The following VPS26C variants were observed in gnomAD, a reference collection of about 807,000 sequenced individuals.
The protein encoded by VPS26C is VPS26 endosomal protein sorting factor C, also known as vacuolar protein sorting-associated protein 26C.
VPS26C carries 19 observed loss-of-function variants against 30.6 expected under a neutral mutation model. The ratio of observed to expected loss-of-function variants is 0.62; its 90% CI spans 0.43 to 0.91. VPS26C has a LOEUF of 0.91. Among genes scored for constraint, VPS26C ranks in the 40% least tolerant of loss-of-function variants. The probability of loss-of-function intolerance (pLI) is 0.00; values close to 1 mark genes in which losing one functional copy is unlikely to be tolerated. For synonymous variants in VPS26C, 132 were observed against 151.5 expected, an observed-to-expected ratio of 0.87 and a Z score of 0.95; for missense variants, 318 against 385.1, an observed-to-expected ratio of 0.83 and a Z score of 1.46.
At chr21:37,231,927 G>A (rs868103209) in intron 5 of VPS26C, 7 of 169,856 alleles carry the variant, frequency 4.1e-5, no homozygotes, top group East Asian at 3.2e-4. Flanking sequence ...AGGGCACTGC[G>A]GAATCTTTGA....
chr21:37,253,405 T>C (rs1392071556), intron 1 of VPS26C, among the ~76,000 whole-genome samples: 1 of 152,158 alleles, frequency 6.6e-6, no homozygotes, highest in African/African-American at 2.4e-5. Context: ...ACGTATGGTA[T>C]AGTATACACA....
At chr21:37,235,394 A>C (rs2086009627) in intron 3 of VPS26C, among the ~76,000 whole-genome samples, 1 of 152,194 alleles carries the variant, frequency 6.6e-6, no homozygotes. Context: ...TCCGCCTCCC[A>C]AACTGCTGGG....
rs971563938 is a variant in VPS26C, at chr21:37,257,112, A to T, written c.57+10126T>A. 6.6e-6 allele frequency among the ~76,000 whole-genome samples: 1 copy of T among 152,202 alleles called. No individual in the cohort carries two copies. The highest frequency in any genetic ancestry group is 1.5e-5 in the Non-Finnish European group (1 of 68,038). ...GTACCACTGCACTCCAGCCTGGGTG[A>T]CAGAGTGAGGCTCTGTCTCAAAAAA... On this transcript the variant is annotated intron_variant, in intron 1 of 7. Coordinates refer to ENST00000309117, the MANE Select transcript of VPS26C (RefSeq NM_006052.2). This position sits in a 1 kb window ranked among gnomAD's most constrained non-coding sequence, Gnocchi z 4.2.
rs1338902001 is a variant in VPS26C at position 37,233,984 on chromosome 21, G to A, written c.352-542C>T. ...GAAAACAGCAGCTACTTTGTAAGCGGGATTAGAAAATCCATGCAGTGAGGA... is the reference window on the plus strand; with the variant it reads ...GAAAACAGCAGCTACTTTGTAAGCGAGATTAGAAAATCCATGCAGTGAGGA... On this transcript the variant is annotated intron_variant, in intron 3 of 7. Transcript: ENST00000309117. The surrounding 1 kb of genome is among the most constrained non-coding windows in gnomAD (Gnocchi z 5.2). Among the ~76,000 whole-genome samples, 1 of 152,234 alleles carries A rather than the reference G, an allele frequency of 6.6e-6. No homozygotes were observed. Among genetic ancestry groups the A allele is most frequent in the East Asian group, 1.9e-4 (1 of 5,198 alleles).
rs1349304767 is a variant in VPS26C at position 37,223,599 on chromosome 21, C to T, written c.*1945G>A. Reference sequence around the variant, plus strand: ...TGTTTTCTGCTACTCAGTTTAAACACATCATCAAGGATAGATAATTAATGT... The same window carrying T: ...TGTTTTCTGCTACTCAGTTTAAACATATCATCAAGGATAGATAATTAATGT... On this transcript the variant is annotated 3_prime_UTR_variant, in exon 8 of 8. Transcript: ENST00000309117. 1 of 152,220 alleles carries T rather than the reference C, an allele frequency of 6.6e-6. No homozygotes were observed. Among genetic ancestry groups the T allele is most frequent in the African/African-American group, 2.4e-5 (1 of 41,460 alleles). The allele number at this position is 152,220 out of a possible 1,614,324, so 9.4% of individuals were successfully genotyped here. A position where few individuals can be genotyped will look rare whatever the true frequency, so the allele number is the denominator to read the frequency against.
intron 3 of VPS26C, chr21:37,237,433 T>TA (rs1470010342): frequency 3.3e-5 from 5 of 152,176 alleles, no homozygotes; most frequent in Admixed American, 1.3e-4. Context: ...AGTCCCAACC[T>TA]AGAAAGCTGA....
Position 37,258,638 on chromosome 21 carries a change from A to C in VPS26C, c.57+8600T>G, listed in dbSNP as rs538803620. On this transcript the variant is annotated intron_variant, in intron 1 of 7. Coordinates refer to ENST00000309117, the MANE Select transcript of VPS26C (RefSeq NM_006052.2). ...GGGCATGGCTGGCGACACGGAGTAG[A>C]CTCCTAGATGACATAACGGAGGCGA... Among the ~76,000 whole-genome samples the C allele has an allele frequency of 7.2e-5, 11 of 152,054 alleles. No individual in the cohort carries two copies. In the South Asian group the frequency reaches 2.3e-3, roughly 32 times the overall value.
chr21:37,248,508 A>C (rs2086159953), intron 1 of VPS26C, among the ~76,000 whole-genome samples: 1 of 152,190 alleles, frequency 6.6e-6, no homozygotes, highest in Non-Finnish European at 1.5e-5. Context: ...AAAGCTGACT[A>C]AGTGAATTAT....
At chr21:37,243,462 C>A (rs954152648) in intron 1 of VPS26C, among the ~76,000 whole-genome samples, 1 of 152,280 alleles carries the variant, frequency 6.6e-6, no homozygotes, top group Middle Eastern at 3.4e-3. Context: ...AGGCGCAGCC[C>A]CGTGTGGTGT....
intron 7 of VPS26C, 56 bp from the exon 8 acceptor site, chr21:37,225,682 C>T: frequency 6.9e-7 from 1 of 1,442,066 alleles, no homozygotes; most frequent in Non-Finnish European, 9.7e-7. Flanking sequence ...AGCGAAACCA[C>T]ACGCCGCCAC....
At chr21:37,244,659 G>A (rs1185910587) in intron 1 of VPS26C, among the ~76,000 whole-genome samples, 2 of 152,264 alleles carry the variant, frequency 1.3e-5, no homozygotes, top group South Asian at 2.1e-4. Flanking sequence ...TCAAGTCCGC[G>A]ACCCCTCTTG....
At chr21:37,252,798 T>G (rs2086206747) in intron 1 of VPS26C, among the ~76,000 whole-genome samples, 1 of 152,184 alleles carries the variant, frequency 6.6e-6, no homozygotes, top group Admixed American at 6.5e-5. Flanking sequence ...CGAAATGCAT[T>G]ACGCTAATGA....
chr21:37,225,801 A>G, intron 7 of VPS26C, 175 bp from the exon 8 acceptor site: 1 of 614,602 alleles, frequency 1.6e-6, no homozygotes, highest in Non-Finnish European at 3.0e-6. Flanking sequence ...TTCAGTGGAG[A>G]TGACTATGCT....
At chr21:37,236,249 G>C (rs1004463142) in intron 3 of VPS26C, among the ~76,000 whole-genome samples, 1 of 152,134 alleles carries the variant, frequency 6.6e-6, no homozygotes, top group African/African-American at 2.4e-5. Context: ...GTCTGGACCC[G>C]CAGGCTGAGG....
rs2085984004 is a variant in VPS26C, at chr21:37,233,195, A to G, written c.432+167T>C. Reference sequence around the variant, plus strand: ...CTCTGGGCCCAGGACAATGATGCACACGTGATGCGCATGCCACCGACTGTC... The same window carrying G: ...CTCTGGGCCCAGGACAATGATGCACGCGTGATGCGCATGCCACCGACTGTC... On this transcript the variant is annotated intron_variant, in intron 4 of 7. Coordinates refer to ENST00000309117, the MANE Select transcript of VPS26C (RefSeq NM_006052.2). This position sits in a 1 kb window ranked among gnomAD's most constrained non-coding sequence, Gnocchi z 5.2. 3.2e-6 allele frequency: 2 copies of G among 626,802 alleles called. No homozygotes were observed. Among genetic ancestry groups the G allele is most frequent in the Non-Finnish European group, 5.7e-6 (2 of 351,480 alleles). The allele number at this position is 626,802 out of a possible 1,614,324, so 38.8% of individuals were successfully genotyped here.
chr21:37,266,865 G>A lies in VPS26C; in HGVS notation c.57+373C>T, dbSNP rs1017396016. The A allele has an allele frequency of 1.4e-5, 5 of 348,638 alleles. No homozygotes were observed. The Admixed American group carries it at 2.4e-4, about 17-fold the overall frequency. 21.6% of individuals were successfully genotyped at this position (348,638 alleles called of 1,614,324 possible). On this transcript the variant is annotated intron_variant, in intron 1 of 7. Transcript: ENST00000309117. ...GCGGTCACCTTAGGAGAGAGGGAAAGGGGAGTTTGGTCGTCAACTCCTCCG... is the reference window on the plus strand; with the variant it reads ...GCGGTCACCTTAGGAGAGAGGGAAAAGGGAGTTTGGTCGTCAACTCCTCCG...
chr21:37,244,062 TGCCCTG>T (rs1231862743), intron 1 of VPS26C, among the ~76,000 whole-genome samples: 1 of 152,206 alleles, frequency 6.6e-6, no homozygotes, highest in African/African-American at 2.4e-5. Context: ...TCCAAGTCCC[TGCCCTG>T]GAGGAGCTAA....
chr21:37,266,523 T>C (rs2086363862), intron 1 of VPS26C, among the ~76,000 whole-genome samples: 1 of 152,060 alleles, frequency 6.6e-6, no homozygotes, highest in Non-Finnish European at 1.5e-5. Flanking sequence ...TGATGTAGAG[T>C]AAGGGTTGAG....
chr21:37,227,927 C>A, intron 6 of VPS26C, 121 bp from the exon 7 acceptor site: 1 of 1,314,162 alleles, frequency 7.6e-7, no homozygotes, highest in Non-Finnish European at 1.0e-6. Flanking sequence ...CCCTCACTTT[C>A]CTTAGACACG....
Sources: allele counts gnomAD v4.1 joint callset (sites outside exome capture counted in the v4.1 genomes callset), GRCh38; gene constraint gnomAD v4.1.1; non-coding constraint Gnocchi (gnomAD v3.1); transcripts MANE v1.5; gene names NCBI Gene and HGNC (gene_info 2026-07-23, HGNC 2026-07-21).